Variants in UGT1A9 observed in about 807,000 individuals in gnomAD.
The protein encoded by UGT1A9 is UDP glucuronosyltransferase family 1 member A9.
Under a neutral mutation model 45.0 loss-of-function variants are expected in UGT1A9, and 35 were observed. That is an observed-to-expected ratio of 0.78 (90% CI 0.59 to 1.03). UGT1A9 has a LOEUF of 1.03. Among genes scored for constraint, UGT1A9 ranks in the 50% least tolerant of loss-of-function variants. UGT1A9 has a pLI of 0.00. For synonymous variants in UGT1A9, 278 were observed against 250.6 expected (o/e 1.11, Z -1.03); for missense variants, 687 against 666.6 (o/e 1.03, Z -0.34).
intron 1 of UGT1A9, among the ~76,000 whole-genome samples, chr2:233,706,519 A>C (rs2075911492): frequency 6.6e-6 from 1 of 152,224 alleles, no homozygotes; most frequent in Non-Finnish European, 1.5e-5. Context: ...AGGATTTTAC[A>C]GCGGCTTAGA....
chr2:233,692,317 A>G (rs1204507929), intron 1 of UGT1A9: 1 of 153,522 alleles, frequency 6.5e-6, no homozygotes, highest in Non-Finnish European at 1.4e-5. Context: ...TTTGTAATAA[A>G]CCAAACCTAG....
chr2:233,693,893 C>T (rs756262106), intron 1 of UGT1A9: 2 of 1,613,868 alleles, frequency 1.2e-6, no homozygotes, highest in East Asian at 2.2e-5. Flanking sequence ...TTTTGGACTG[C>T]CTTGTTTCTT....
At chr2:233,747,688 C>T in intron 1 of UGT1A9, 2 of 1,609,342 alleles carry the variant, frequency 1.2e-6, no homozygotes, top group South Asian at 2.2e-5. Context: ...CTCTGTGGGG[C>T]AGTGCTGGCT....
chr2:233,763,945 G>T (rs1405755046), intron 1 of UGT1A9, among the ~76,000 whole-genome samples: 1 of 152,190 alleles, frequency 6.6e-6, no homozygotes, highest in South Asian at 2.1e-4. Context: ...GGAAAGCTTG[G>T]GAGCAGGGAA....
At chr2:233,745,164 A>G (rs2125868449) in intron 1 of UGT1A9, among the ~76,000 whole-genome samples, 1 of 151,968 alleles carries the variant, frequency 6.6e-6, no homozygotes, top group South Asian at 2.1e-4. Context: ...TCAAATGTGC[A>G]TGTTATTCAC....
At chr2:233,716,367 TG>T (rs1364638273) in intron 1 of UGT1A9, among the ~76,000 whole-genome samples, 9 of 152,348 alleles carry the variant, frequency 5.9e-5, no homozygotes, top group African/African-American at 2.2e-4. Flanking sequence ...TTTGTGGGGC[TG>T]TGATTCTGCC....
chr2:233,724,487 G>GT (rs1420633653), intron 1 of UGT1A9, among the ~76,000 whole-genome samples: 1 of 75,448 alleles, frequency 1.3e-5, no homozygotes, highest in African/African-American at 5.0e-5. Flanking sequence ...CTCAGACGGG[G>GT]CGGCCGGGCA....
intron 1 of UGT1A9, chr2:233,748,229 G>A: frequency 1.4e-6 from 2 of 1,404,944 alleles, no homozygotes; most frequent in Non-Finnish European, 1.9e-6. Flanking sequence ...AAACTGTTAA[G>A]GGGTCTCTAG....
intron 1 of UGT1A9, chr2:233,729,168 A>G (rs746194501): frequency 1.2e-6 from 2 of 1,613,726 alleles, no homozygotes; most frequent in Admixed American, 1.7e-5. Context: ...GGCTGGCCAC[A>G]GGACTGCTGC....
At chr2:233,765,711 T>TTAA (rs10664358) in intron 1 of UGT1A9, among the ~76,000 whole-genome samples, 1,596 of 149,282 alleles carry the variant, frequency 0.011, 27 homozygotes, top group African/African-American at 0.036. Context: ...ATAATAATAA[T>TTAA]TAATAATAAT....
intron 1 of UGT1A9, chr2:233,760,742 C>T: frequency 3.1e-6 from 5 of 1,614,166 alleles, no homozygotes; most frequent in Non-Finnish European, 4.2e-6. Context: ...CTGACGGACC[C>T]TTTCCTTCCT....
At chr2:233,718,756 G>A (rs994719163) in intron 1 of UGT1A9, 95 of 1,612,444 alleles carry the variant, frequency 5.9e-5, no homozygotes, top group East Asian at 2.9e-4. Context: ...TAATTAAGGC[G>A]AAGGAAACAA....
In UGT1A9 at chr2:233,725,264, G is replaced by GGCA. The variant is rs1216362118; in HGVS notation, c.856-41769_856-41768insCAG. Among the ~76,000 whole-genome samples the GGCA allele has an allele frequency of 1.9e-4, 11 of 58,536 alleles. 1 individual carries two copies. The highest frequency in any genetic ancestry group is 1.2e-3 in the African/African-American group (9 of 7,624). 38.4% of individuals were successfully genotyped at this position (58,536 alleles called of 152,430 possible). On this transcript the variant is annotated intron_variant, in intron 1 of 4. Transcript: ENST00000354728. ...CAGAGGCAGAGGAGGCAGAGGCAGA[G>GGCA]GAGGCAGAGGCAGAGGCAGAGGCAG...
intron 1 of UGT1A9, among the ~76,000 whole-genome samples, chr2:233,708,034 T>C (rs1391867324): frequency 2.6e-5 from 4 of 152,230 alleles, no homozygotes; most frequent in Non-Finnish European, 5.9e-5. Flanking sequence ...TTGGCAGTTA[T>C]AGATATTGCA....
Position 233,772,413 on chromosome 2 carries a change from T to G in UGT1A9, c.1447T>G (p.Tyr483Asp), listed in dbSNP as rs34993780. 159 of 1,614,182 alleles carry G rather than the reference T, an allele frequency of 9.9e-5. No homozygotes were observed. In the East Asian group the frequency reaches 2.1e-3, roughly 21 times the overall value. Reference sequence around the variant, plus strand: ...AGCCCACGACCTCACCTGGTACCAGTACCATTCCTTGGACGTGATTGGTTT... The same window carrying G: ...AGCCCACGACCTCACCTGGTACCAGGACCATTCCTTGGACGTGATTGGTTT... ...PAAHDLTWYQ[Y>D]HSLDVIGFLL... The change falls in exon 5 of 5, where the codon TAC becomes GAC. Residue 483 changes from tyrosine to aspartate, a missense_variant. By Grantham distance (160) the Tyr-to-Asp change is radical (BLOSUM62 -3). Transcript: ENST00000354728.
In UGT1A9 at chr2:233,767,094, T is replaced by A; in HGVS notation, c.916T>A (p.Ser306Thr). 3 of 1,614,120 alleles carry A rather than the reference T, an allele frequency of 1.9e-6. No homozygotes were observed. The highest frequency in any genetic ancestry group is 2.5e-6 in the Non-Finnish European group (3 of 1,180,014). ...EHGIVVFSLG[S>T]MVSEIPEKKA... ...TGGAATTGTGGTTTTCTCTTTGGGA[T>A]CAATGGTCTCAGAAATTCCAGAGAA... Residue 306 changes from serine (S) to threonine (T), a missense_variant, in exon 2 of 5, where the codon TCA (serine) becomes ACA (threonine). Transcript: ENST00000354728.
At chr2:233,743,728 A>G in intron 1 of UGT1A9, 1 of 1,367,282 alleles carries the variant, frequency 7.3e-7, no homozygotes, top group Non-Finnish European at 9.8e-7. Context: ...GGTCATAGAT[A>G]TCGCGTTTCT....
At chr2:233,693,140 G>A in intron 1 of UGT1A9, 1 of 1,614,230 alleles carries the variant, frequency 6.2e-7, no homozygotes, top group South Asian at 1.1e-5. Flanking sequence ...GAAGGATATA[G>A]TTGAGGTTCT....
At chr2:233,721,874 C>G in intron 1 of UGT1A9, 5 of 497,190 alleles carry the variant, frequency 1.0e-5, no homozygotes, top group South Asian at 7.3e-5. Context: ...GGCACACTTG[C>G]CAGCCCCTCC....
Sources: gnomAD v4.1 joint callset for allele counts (sites outside exome capture counted in the v4.1 genomes callset) on GRCh38, gnomAD v4.1.1 for gene constraint, MANE v1.5 for transcripts, NCBI Gene and HGNC (gene_info 2026-07-23, HGNC 2026-07-21) for gene names.